The following ROBO1 variants were observed in gnomAD, a reference collection of about 807,000 sequenced individuals.
ROBO1 encodes roundabout guidance receptor 1, also known as roundabout homolog 1.
A neutral mutation model predicts 195.9 loss-of-function variants in ROBO1; 149 were observed. That is an observed-to-expected ratio of 0.76 (90% confidence interval 0.67 to 0.87). ROBO1 has a LOEUF of 0.87. ROBO1 is among the 40% of genes least tolerant of loss of function. ROBO1 has a pLI of 0.00. For synonymous variants in ROBO1, 816 were observed against 733.2 expected (o/e 1.11, Z -1.82); for missense variants, 1,933 against 2,068.3 (o/e 0.93, Z 1.27).
intron 4 of ROBO1, among the ~76,000 whole-genome samples, chr3:78,765,380 G>A (rs2083204972): frequency 6.6e-6 from 1 of 151,744 alleles, no homozygotes; most frequent in South Asian, 2.1e-4. Flanking sequence ...AAAAAATATA[G>A]AAACATAAAA....
intron 4 of ROBO1, among the ~76,000 whole-genome samples, chr3:78,750,522 A>C (rs2108303031): frequency 6.6e-6 from 1 of 151,424 alleles, no homozygotes; most frequent in East Asian, 1.9e-4. Flanking sequence ...AAAGTTCACT[A>C]ATTGTACAAA....
chr3:79,710,404 T>A (rs1441299377), intron 1 of ROBO1, among the ~76,000 whole-genome samples: 1 of 152,146 alleles, frequency 6.6e-6, no homozygotes, highest in Non-Finnish European at 1.5e-5. Flanking sequence ...AGCAAACTAC[T>A]CAGCAGCCAA....
chr3:79,649,111 A>T (rs1945922629), intron 1 of ROBO1, among the ~76,000 whole-genome samples: 2 of 152,054 alleles, frequency 1.3e-5, no homozygotes, highest in Admixed American at 6.6e-5. Flanking sequence ...TTATGTTAGG[A>T]TCTCTTTGGG....
chr3:79,452,945 T>C (rs570590050), intron 2 of ROBO1, among the ~76,000 whole-genome samples: 3 of 151,920 alleles, frequency 2.0e-5, no homozygotes, highest in Non-Finnish European at 4.4e-5. Flanking sequence ...AGGGAAATGA[T>C]ATAAAAACCA....
At chr3:79,306,014 A>G (rs2109076675) in intron 2 of ROBO1, among the ~76,000 whole-genome samples, 1 of 152,338 alleles carries the variant, frequency 6.6e-6, no homozygotes, top group African/African-American at 2.4e-5. Flanking sequence ...ATTGAAACAG[A>G]TATGCAGATG....
intron 3 of ROBO1, among the ~76,000 whole-genome samples, chr3:79,023,658 G>T (rs891615482): frequency 3.9e-5 from 5 of 127,290 alleles, no homozygotes; most frequent in African/African-American, 6.0e-5. Flanking sequence ...TTCAGGCACT[G>T]TAAATAGGGC....
At chr3:78,893,795 G>C (rs949490800) in intron 4 of ROBO1, among the ~76,000 whole-genome samples, 5 of 151,902 alleles carry the variant, frequency 3.3e-5, no homozygotes, top group African/African-American at 9.7e-5. Flanking sequence ...TTTCTATAAA[G>C]ACATTTTTAT....
At chr3:79,233,755 C>T (rs149373451) in intron 2 of ROBO1, among the ~76,000 whole-genome samples, 8 of 152,074 alleles carry the variant, frequency 5.3e-5, no homozygotes, top group African/African-American at 1.9e-4. Context: ...TGAGAAATCT[C>T]CCAACTCCTT....
intron 2 of ROBO1, among the ~76,000 whole-genome samples, chr3:79,523,162 CA>C (rs1941281198): frequency 2.7e-5 from 1 of 36,918 alleles, no homozygotes; most frequent in African/African-American, 8.0e-4. Flanking sequence ...CTTCATAAAC[CA>C]CACACACACA....
intron 2 of ROBO1, among the ~76,000 whole-genome samples, chr3:79,577,736 A>ACG (rs1444875298): frequency 1.7e-5 from 2 of 116,956 alleles, no homozygotes; most frequent in African/African-American, 7.1e-5. Context: ...ACACACACAC[A>ACG]CACACACACA....
intron 2 of ROBO1, among the ~76,000 whole-genome samples, chr3:79,346,470 A>T (rs962417779): frequency 1.3e-5 from 2 of 152,102 alleles, no homozygotes; most frequent in African/African-American, 4.8e-5. Context: ...TTCATTTTAT[A>T]TGGGTTTTAT....
intron 3 of ROBO1, among the ~76,000 whole-genome samples, chr3:79,032,325 T>C (rs1386696639): frequency 2.0e-5 from 3 of 152,048 alleles, no homozygotes; most frequent in Non-Finnish European, 2.9e-5. Flanking sequence ...TTTTCTTCCA[T>C]TGCACATTAT....
intron 4 of ROBO1, among the ~76,000 whole-genome samples, chr3:78,911,672 T>G (rs1044100177): frequency 3.9e-5 from 6 of 152,060 alleles, no homozygotes; most frequent in African/African-American, 1.4e-4. Context: ...TGAGAAGCAC[T>G]AAATCAATTG....
chr3:78,945,759 TA>T (rs1046164019), intron 3 of ROBO1, among the ~76,000 whole-genome samples: 5 of 152,062 alleles, frequency 3.3e-5, no homozygotes, highest in African/African-American at 1.2e-4. Context: ...GCAAAGAAGT[TA>T]AAAGCTTTGA....
At chr3:79,334,826 C>A (rs190833179) in intron 2 of ROBO1, among the ~76,000 whole-genome samples, 18 of 151,668 alleles carry the variant, frequency 1.2e-4, no homozygotes, top group African/African-American at 3.4e-4. Context: ...ATATTTTAGG[C>A]TGGATGTGGT....
At chr3:78,673,560 T>TTTTTTATATATATATATATATATATA (rs1708199265) in intron 10 of ROBO1, among the ~76,000 whole-genome samples, 1 of 74,604 alleles carries the variant, frequency 1.3e-5, no homozygotes, top group African/African-American at 5.6e-5. Flanking sequence ...GTTACATATA[T>TTTTTTATATATATATATATATATATA]TTTATATATA....
chr3:79,685,622 T>C (rs1947081412), intron 1 of ROBO1, among the ~76,000 whole-genome samples: 1 of 152,150 alleles, frequency 6.6e-6, no homozygotes, highest in Admixed American at 6.5e-5. Flanking sequence ...AGAATGGGTC[T>C]TTGGCAAGTT....
intron 2 of ROBO1, among the ~76,000 whole-genome samples, chr3:79,323,657 C>T (rs1037874171): frequency 6.6e-6 from 1 of 152,058 alleles, no homozygotes; most frequent in African/African-American, 2.4e-5. Flanking sequence ...TAGAACTGAC[C>T]ATCATTTACT....
intron 2 of ROBO1, among the ~76,000 whole-genome samples, chr3:79,365,988 G>C (rs1266268355): frequency 1.3e-5 from 2 of 151,834 alleles, no homozygotes; most frequent in Non-Finnish European, 2.9e-5. Flanking sequence ...CTCAGGACAG[G>C]GAGTTTTTGG....
Sources: allele counts gnomAD v4.1 joint callset (sites outside exome capture counted in the v4.1 genomes callset), GRCh38; gene constraint gnomAD v4.1.1; transcripts MANE v1.5; gene names NCBI Gene and HGNC (gene_info 2026-07-23, HGNC 2026-07-21).